Variants in CCSER1 observed in about 807,000 individuals in gnomAD.
CCSER1 encodes the protein coiled-coil serine rich protein 1.
Under a neutral mutation model 82.0 loss-of-function variants are expected in CCSER1, and 41 were observed. The ratio of observed to expected loss-of-function variants is 0.50; its 90% CI spans 0.39 to 0.65. CCSER1 has a LOEUF of 0.65. CCSER1 is among the 30% of genes least tolerant of loss of function. The pLI, the probability that CCSER1 is intolerant of heterozygous loss-of-function variation, is 0.00. For synonymous variants in CCSER1, 414 were observed against 383.9 expected, an observed-to-expected ratio of 1.08 and a Z score of -0.92; for missense variants, 1,119 against 1,064.2, an observed-to-expected ratio of 1.05 and a Z score of -0.72.
In CCSER1 at chr4:91,604,285, T is replaced by G. The variant is rs1412439144; in HGVS notation, c.*5228T>G. The G allele has an allele frequency of 6.6e-6, 1 of 152,144 alleles. No homozygotes were observed. The highest frequency in any genetic ancestry group is 1.5e-5 in the Non-Finnish European group (1 of 68,000). The allele number at this position is 152,144 out of a possible 1,614,324, so 9.4% of individuals were successfully genotyped here. On this transcript the variant is annotated 3_prime_UTR_variant, in exon 11 of 11. Coordinates refer to ENST00000509176, the MANE Select transcript of CCSER1 (RefSeq NM_001145065.2). Reference sequence around the variant, plus strand: ...GTGATTTAAACAAACATGTGCTGCTTCAATCTCCTTTACTCCTAAACTTCC... The same window carrying G: ...GTGATTTAAACAAACATGTGCTGCTGCAATCTCCTTTACTCCTAAACTTCC...
chr4:90,737,875 G>A (rs542825907), intron 7 of CCSER1, among the ~76,000 whole-genome samples: 33 of 152,140 alleles, frequency 2.2e-4, no homozygotes, highest in Non-Finnish European at 4.4e-4. Flanking sequence ...CAGTTCTTCT[G>A]AGACTCTGAT....
chr4:91,142,736 A>G lies in CCSER1; in HGVS notation c.2217+56742A>G, dbSNP rs1214637197. 2.0e-5 allele frequency among the ~76,000 whole-genome samples: 3 copies of G among 152,154 alleles called. No homozygotes were observed. The East Asian group carries it at 5.8e-4, about 29-fold the overall frequency. ...TTGCAACATCATTTATTGAATCGAG[A>G]GTCCTTTCCTTATAGTGTATTTCTG... On this transcript the variant is annotated intron_variant, in intron 10 of 10. Coordinates refer to ENST00000509176, the MANE Select transcript of CCSER1 (RefSeq NM_001145065.2).
chr4:91,265,426 CAT>C (rs1560552973), intron 10 of CCSER1, among the ~76,000 whole-genome samples: 1 of 151,942 alleles, frequency 6.6e-6, no homozygotes, highest in Non-Finnish European at 1.5e-5. Flanking sequence ...TTTTTGATAA[CAT>C]ATGTTCCTGT....
intron 10 of CCSER1, among the ~76,000 whole-genome samples, chr4:91,577,893 T>A (rs978572155): frequency 2.0e-5 from 3 of 152,060 alleles, no homozygotes; most frequent in African/African-American, 7.2e-5. Context: ...AAACTATATG[T>A]TGAAAATTGT....
intron 7 of CCSER1, among the ~76,000 whole-genome samples, chr4:90,759,328 G>C (rs11733475): frequency 0.13 from 19,750 of 152,058 alleles, 1,585 homozygotes; most frequent in Non-Finnish European, 0.18. Flanking sequence ...TCACCAAATG[G>C]AGAGGATAAC....
chr4:90,630,868 G>GATTATTATTATT (rs71596533), intron 6 of CCSER1, among the ~76,000 whole-genome samples: 36 of 143,330 alleles, frequency 2.5e-4, no homozygotes, highest in South Asian at 4.5e-4. Context: ...TTTGTTCACA[G>GATTATTATTATT]ATTATTATTA....
rs550067357 is a variant in CCSER1 at position 91,356,505 on chromosome 4, G to A, written c.2218-242067G>A. 2.0e-5 allele frequency among the ~76,000 whole-genome samples: 3 copies of A among 152,208 alleles called. No homozygotes were observed. The East Asian group carries it at 5.8e-4, about 29-fold the overall frequency. On this transcript the variant is annotated intron_variant, in intron 10 of 10. Transcript: ENST00000509176. ...TGTGAGAGTTGAAAGACCTATAAGG[G>A]GCTTCTCTTGCTTTACGATGTCTTA...
intron 6 of CCSER1, among the ~76,000 whole-genome samples, chr4:90,658,356 T>G (rs866545653): frequency 8.5e-5 from 13 of 152,186 alleles, no homozygotes; most frequent in African/African-American, 2.9e-4. Context: ...ATTAAAGTGA[T>G]TCCAAGATGG....
chr4:91,492,230 G>A (rs1283540039), intron 10 of CCSER1, among the ~76,000 whole-genome samples: 1 of 151,982 alleles, frequency 6.6e-6, no homozygotes, highest in Non-Finnish European at 1.5e-5. Context: ...CAACCCCACT[G>A]TCTGTAGGAA....
chr4:90,852,775 A>G (rs62311123), intron 8 of CCSER1, among the ~76,000 whole-genome samples: 1 of 152,102 alleles, frequency 6.6e-6, no homozygotes, highest in Non-Finnish European at 1.5e-5. Context: ...TTACAAGCAA[A>G]TAATTAATTG....
chr4:90,402,847 T>A (rs1753083194), intron 4 of CCSER1, among the ~76,000 whole-genome samples: 1 of 152,208 alleles, frequency 6.6e-6, no homozygotes, highest in Non-Finnish European at 1.5e-5. Flanking sequence ...TAAATAAAAA[T>A]GAAATAATTT....
At chr4:90,381,660 TTAA>T (rs1294590444) in intron 3 of CCSER1, among the ~76,000 whole-genome samples, 6 of 152,124 alleles carry the variant, frequency 3.9e-5, no homozygotes, top group Admixed American at 3.9e-4. Context: ...GAAAATGCAC[TTAA>T]TAAATGCGTT....
At chr4:91,315,101 C>T (rs1241402157) in intron 10 of CCSER1, among the ~76,000 whole-genome samples, 1 of 151,636 alleles carries the variant, frequency 6.6e-6, no homozygotes, top group Non-Finnish European at 1.5e-5. Context: ...TTTATTTACC[C>T]ACTTCAGCCA....
intron 7 of CCSER1, among the ~76,000 whole-genome samples, chr4:90,808,620 A>C (rs1033666033): frequency 1.3e-5 from 2 of 152,226 alleles, no homozygotes; most frequent in African/African-American, 4.8e-5. Flanking sequence ...ACAAATGGCC[A>C]ACAAACCATA....
intron 6 of CCSER1, among the ~76,000 whole-genome samples, chr4:90,674,356 G>A (rs1733390141): frequency 6.6e-6 from 1 of 151,886 alleles, no homozygotes; most frequent in Admixed American, 6.6e-5. Context: ...TCTGAGAGCA[G>A]GCATCTTATT....
rs202066363 is a variant in CCSER1 at position 90,858,472 on chromosome 4, A to G, written c.2094+42627A>G. Among the ~76,000 whole-genome samples, 25 of 152,100 alleles carry G rather than the reference A, an allele frequency of 1.6e-4. No individual in the cohort carries two copies. In the East Asian group the frequency reaches 4.7e-3, roughly 28 times the overall value. On this transcript the variant is annotated intron_variant, in intron 8 of 10. Coordinates refer to ENST00000509176, the MANE Select transcript of CCSER1 (RefSeq NM_001145065.2). Reference sequence around the variant, plus strand: ...CAGTGGTAATATATAAAAGTTAATTAAACCTTTTCTATTTGTTTTCTTCAA... The same window carrying G: ...CAGTGGTAATATATAAAAGTTAATTGAACCTTTTCTATTTGTTTTCTTCAA...
At chr4:91,176,715 T>C (rs1233757887) in intron 10 of CCSER1, among the ~76,000 whole-genome samples, 2 of 152,178 alleles carry the variant, frequency 1.3e-5, no homozygotes, top group African/African-American at 4.8e-5. Context: ...TAAGGAGATT[T>C]TGGGCTGAGA....
At chr4:90,441,487 G>T (rs1759872487) in intron 4 of CCSER1, among the ~76,000 whole-genome samples, 1 of 151,632 alleles carries the variant, frequency 6.6e-6, no homozygotes. Flanking sequence ...TTTTTTTTAA[G>T]GGCACTAATT....
At chr4:91,411,542 A>ATATATATATACATAT (rs1553934221) in intron 10 of CCSER1, among the ~76,000 whole-genome samples, 2 of 125,016 alleles carry the variant, frequency 1.6e-5, no homozygotes, top group African/African-American at 6.0e-5. Context: ...TTGACTAGTT[A>ATATATATATACATAT]ATATATTTAA....
Sources: gnomAD v4.1 joint callset for allele counts (sites outside exome capture counted in the v4.1 genomes callset) on GRCh38, gnomAD v4.1.1 for gene constraint, MANE v1.5 for transcripts, NCBI Gene and HGNC (gene_info 2026-07-23, HGNC 2026-07-21) for gene names.